ARMC2: variants seen among roughly 807,000 people sequenced by gnomAD.
ARMC2 encodes armadillo repeat-containing protein 2.
Under a neutral mutation model 90.3 loss-of-function variants are expected in ARMC2, and 67 were observed. The ratio of observed to expected loss-of-function variants is 0.74; its 90% CI spans 0.61 to 0.91. The LOEUF (loss-of-function observed/expected upper bound fraction) is 0.91. ARMC2 is among the 40% of genes least tolerant of loss of function. ARMC2 has a pLI of 0.00. For synonymous variants in ARMC2, 393 were observed against 393.0 expected, an observed-to-expected ratio of 1.00 and a Z score of 0.00; for missense variants, 920 against 1,030.9, an observed-to-expected ratio of 0.89 and a Z score of 1.47.
the ARMC2 span, among the ~76,000 whole-genome samples, chr6:109,047,332 C>T: frequency 1.1e-4 from 14 of 124,362 alleles, no homozygotes; most frequent in East Asian, 5.1e-4. Flanking sequence ...CCGCCCCGTC[C>T]GGGAGGGAGG....
rs938302114 is a variant in ARMC2 at position 108,966,733 on chromosome 6, T to C, written c.2446+1593T>C. On this transcript the variant is annotated intron_variant, in intron 17 of 17. Coordinates refer to ENST00000392644, the MANE Select transcript of ARMC2 (RefSeq NM_032131.6). ...TGTTCAGGTTGCCTTAATTCAGTTC[T>C]CGATGGTGGTAGAGCATTGAAATCA... Among the ~76,000 whole-genome samples, 13 of 152,066 alleles carry C rather than the reference T, an allele frequency of 8.5e-5. 1 individual carries two copies. The highest frequency in any genetic ancestry group is 1.3e-4 in the Admixed American group (2 of 15,270).
intron 11 of ARMC2, among the ~76,000 whole-genome samples, chr6:108,936,239 A>T (rs191642735): frequency 6.6e-6 from 1 of 151,974 alleles, no homozygotes; most frequent in East Asian, 1.9e-4. Context: ...TTTTGAATGT[A>T]TAGGTTTTTT....
the ARMC2 span, chr6:108,988,714 G>C: frequency 6.4e-7 from 1 of 1,554,340 alleles, no homozygotes; most frequent in Non-Finnish European, 8.7e-7. Context: ...TGAGAATTAT[G>C]ATATTTTCAG....
At chr6:109,016,504 C>T in the ARMC2 span, among the ~76,000 whole-genome samples, 10 of 152,070 alleles carry the variant, frequency 6.6e-5, no homozygotes, top group Admixed American at 6.5e-4. Flanking sequence ...GATTCTTAAC[C>T]TGAGCACAAG....
At chr6:108,869,069 A>G (rs1337342396) in intron 4 of ARMC2, 74 bp downstream of exon 4, 5 of 1,435,604 alleles carry the variant, frequency 3.5e-6, no homozygotes, top group Non-Finnish European at 4.6e-6. Context: ...AGCTAATTTT[A>G]TATGATTTTT....
At chr6:108,960,210 C>T (rs2104118) in intron 13 of ARMC2, among the ~76,000 whole-genome samples, 13 of 151,946 alleles carry the variant, frequency 8.6e-5, no homozygotes, top group East Asian at 3.8e-4. Context: ...TGTGCACCGG[C>T]GGGGGACACC....
chr6:109,015,828 C>T, the ARMC2 span, among the ~76,000 whole-genome samples: 1 of 152,108 alleles, frequency 6.6e-6, no homozygotes, highest in Non-Finnish European at 1.5e-5. Context: ...ACTGAATATA[C>T]TCTGTGTTGT....
At chr6:108,924,492 GAAAAAAGA>G (rs1475022239) in intron 10 of ARMC2, among the ~76,000 whole-genome samples, 2 of 64,748 alleles carry the variant, frequency 3.1e-5, no homozygotes, top group South Asian at 4.6e-4. Context: ...TCTCGAAAAA[GAAAAAAGA>G]AAAAAATGAG....
Position 108,962,118 on chromosome 6 carries a change from C to G in ARMC2, c.2143C>G (p.Gln715Glu). 6.2e-7 allele frequency: 1 copy of G among 1,605,116 alleles called. No homozygotes were observed. The highest frequency in any genetic ancestry group is 8.5e-7 in the Non-Finnish European group (1 of 1,173,446). ...CCATGATGTCTGCGATTTCATTGTG[C>G]AGAACAATGGTGAGTTAATAACACT... ...QDHDVCDFIV[Q>E]NNVHRFMMAL... Residue 715 changes from glutamine (Q) to glutamate (E), a missense_variant, in exon 15 of 18, where the codon CAG (glutamine) becomes GAG (glutamate). Transcript: ENST00000392644.
At chr6:108,983,895 G>T in the ARMC2 span, among the ~76,000 whole-genome samples, 1 of 152,152 alleles carries the variant, frequency 6.6e-6, no homozygotes, top group Non-Finnish European at 1.5e-5. Context: ...TACAGCAGGG[G>T]TCCCCAACCC....
chr6:108,917,815 A>AT, intron 10 of ARMC2, among the ~76,000 whole-genome samples: 1 of 152,098 alleles, frequency 6.6e-6, no homozygotes, highest in African/African-American at 2.4e-5. Flanking sequence ...ACCCAGCTAC[A>AT]TTTTGTATTT....
the ARMC2 span, among the ~76,000 whole-genome samples, chr6:109,018,704 T>G: frequency 1.2e-3 from 184 of 152,324 alleles, no homozygotes; most frequent in African/African-American, 4.2e-3. Context: ...TTCACTTTTT[T>G]GTTCAAGCTT....
the ARMC2 span, among the ~76,000 whole-genome samples, chr6:109,026,629 C>G: frequency 6.6e-6 from 1 of 152,026 alleles, no homozygotes; most frequent in Non-Finnish European, 1.5e-5. Flanking sequence ...CTCAGCCTCC[C>G]GAGTAGCTAG....
the ARMC2 span, among the ~76,000 whole-genome samples, chr6:109,016,337 G>A: frequency 6.6e-6 from 1 of 152,152 alleles, no homozygotes; most frequent in Non-Finnish European, 1.5e-5. Context: ...GTGGTGAATA[G>A]AATTCTGCAA....
Position 108,881,568 on chromosome 6 carries a change from C to T in ARMC2, c.671+5218C>T, listed in dbSNP as rs574440877. Among the ~76,000 whole-genome samples the T allele has an allele frequency of 6.6e-5, 10 of 152,172 alleles. No individual in the cohort carries two copies. The East Asian group carries it at 1.7e-3, about 26-fold the overall frequency. ...ATTTAATTAAAGATATGAGATCTAA[C>T]GATGTAGGCAGGCTGCGGGAGCAGG... On this transcript the variant is annotated intron_variant, in intron 5 of 17. Transcript: ENST00000392644.
At chr6:108,948,223 G>A (rs1012423292) in intron 12 of ARMC2, among the ~76,000 whole-genome samples, 2 of 152,150 alleles carry the variant, frequency 1.3e-5, no homozygotes, top group Non-Finnish European at 2.9e-5. Flanking sequence ...ACCTTGGAGT[G>A]CACGGTTTGG....
chr6:108,878,970 C>T (rs1210997086), intron 5 of ARMC2, among the ~76,000 whole-genome samples: 2 of 151,604 alleles, frequency 1.3e-5, no homozygotes, highest in East Asian at 3.9e-4. Context: ...TTCATCCACC[C>T]ATCCAACTGT....
At chr6:109,019,623 G>A in the ARMC2 span, among the ~76,000 whole-genome samples, 1 of 152,078 alleles carries the variant, frequency 6.6e-6, no homozygotes, top group Non-Finnish European at 1.5e-5. Flanking sequence ...GCCAGTATGA[G>A]CAAGAATAGT....
chr6:108,899,631 G>T, intron 6 of ARMC2, 63 bp from the exon 7 acceptor site: 2 of 1,234,184 alleles, frequency 1.6e-6, no homozygotes, highest in South Asian at 2.6e-5. Flanking sequence ...AAAGGCTTTT[G>T]ACCATGCTTC....
Sources: gnomAD v4.1 joint callset for allele counts (sites outside exome capture counted in the v4.1 genomes callset) on GRCh38, gnomAD v4.1.1 for gene constraint, MANE v1.5 for transcripts, NCBI Gene and HGNC (gene_info 2026-07-23, HGNC 2026-07-21) for gene names.